Variants in ADCY2 observed in about 807,000 individuals in gnomAD.
The protein encoded by ADCY2 is adenylate cyclase 2, also known as adenylate cyclase type 2.
A neutral mutation model predicts 125.2 loss-of-function variants in ADCY2; 31 were observed. The observed-to-expected ratio is 0.25, with a 90% CI of 0.19 to 0.33. ADCY2 has a LOEUF of 0.33. Among genes scored for constraint, ADCY2 ranks in the 10% least tolerant of loss-of-function variants. The pLI, the probability that ADCY2 is intolerant of heterozygous loss-of-function variation, is 1.00. For missense variants in ADCY2, 904 were observed against 1,418.2 expected (o/e 0.64, Z 5.82); for synonymous variants, 512 against 548.4 (o/e 0.93, Z 0.93).
chr5:7,711,324 C>T (rs1330389399), intron 10 of ADCY2, among the ~76,000 whole-genome samples: 1 of 152,212 alleles, frequency 6.6e-6, no homozygotes, highest in Non-Finnish European at 1.5e-5. Flanking sequence ...GTTTCTGTCA[C>T]TCATGAAAAA....
chr5:7,707,205 A>G (rs1252395771), intron 8 of ADCY2, among the ~76,000 whole-genome samples: 1 of 152,244 alleles, frequency 6.6e-6, no homozygotes, highest in Non-Finnish European at 1.5e-5. Context: ...AAAACAGTCC[A>G]GATATGGCAT....
chr5:7,826,637 T>C, intron 24 of ADCY2, 82 bp from the exon 25 acceptor site: 2 of 1,588,592 alleles, frequency 1.3e-6, no homozygotes, highest in Non-Finnish European at 1.7e-6. Context: ...ATGGTGCTTT[T>C]TTTAGCTCTG....
intron 22 of ADCY2, among the ~76,000 whole-genome samples, chr5:7,806,931 C>G (rs1327495050): frequency 6.6e-6 from 1 of 152,212 alleles, no homozygotes; most frequent in East Asian, 1.9e-4. Flanking sequence ...CTTTCTCCTT[C>G]TGAAGTTTCT....
At chr5:7,527,145 G>A (rs1257070632) in intron 3 of ADCY2, among the ~76,000 whole-genome samples, 1 of 152,182 alleles carries the variant, frequency 6.6e-6, no homozygotes, top group African/African-American at 2.4e-5. Context: ...ATGTTGTGGT[G>A]GCTGCCTCCT....
chr5:7,825,253 CGCTGCTGTGTGCCATGACAAT>C (rs1561048798), intron 24 of ADCY2, among the ~76,000 whole-genome samples: 1 of 151,132 alleles, frequency 6.6e-6, no homozygotes, highest in Non-Finnish European at 1.5e-5. Flanking sequence ...GACATGACAA[CGCTGCTGTGTGCCATGACAAT>C]GCTGCTGTGT....
At chr5:7,711,348 A>G (rs1471495088) in intron 10 of ADCY2, among the ~76,000 whole-genome samples, 1 of 152,172 alleles carries the variant, frequency 6.6e-6, no homozygotes, top group African/African-American at 2.4e-5. Context: ...TAATTTGGAT[A>G]AGTTAGCCTC....
intron 4 of ADCY2, among the ~76,000 whole-genome samples, chr5:7,642,217 C>A (rs995693403): frequency 6.6e-6 from 1 of 152,102 alleles, no homozygotes; most frequent in Non-Finnish European, 1.5e-5. Flanking sequence ...ACTAGTTATT[C>A]TGACTGGTGT....
chr5:7,704,567 A>C (rs6888687), intron 7 of ADCY2, among the ~76,000 whole-genome samples: 49,500 of 152,014 alleles, frequency 0.33, 10,196 homozygotes, highest in Non-Finnish European at 0.46. Context: ...ATGTAAATTG[A>C]ATATACATGC....
rs576354831 is a variant in ADCY2 at position 7,754,220 on chromosome 5, C to T, written c.1957-3229C>T. On this transcript the variant is annotated intron_variant, in intron 15 of 24. Transcript: ENST00000338316. ...TTACTAGCCTATGAGCAGAATATAA[C>T]ATATTCCTATTAGATTAGCATATTT... Among the ~76,000 whole-genome samples the T allele has an allele frequency of 2.0e-5, 3 of 152,304 alleles. No individual in the cohort carries two copies. In the South Asian group the frequency reaches 6.2e-4, roughly 32 times the overall value.
At chr5:7,658,362 A>G (rs541086103) in intron 4 of ADCY2, among the ~76,000 whole-genome samples, 370 of 149,576 alleles carry the variant, frequency 2.5e-3, no homozygotes, top group Non-Finnish European at 3.9e-3. Flanking sequence ...CTTTTTTTCT[A>G]TAAGTTTTTG....
chr5:7,399,280 G>C (rs892846332), intron 1 of ADCY2, among the ~76,000 whole-genome samples: 2 of 152,134 alleles, frequency 1.3e-5, no homozygotes, highest in South Asian at 4.1e-4. Flanking sequence ...TAGCCTCCTA[G>C]AGCATTTGGA....
intron 17 of ADCY2, among the ~76,000 whole-genome samples, chr5:7,768,077 G>T (rs956319275): frequency 6.6e-6 from 1 of 152,096 alleles, no homozygotes; most frequent in Non-Finnish European, 1.5e-5. Context: ...TTTCCTGGAG[G>T]CTTCTGAGGC....
At position 7,460,159 on chromosome 5, in the gene ADCY2, G is replaced by T. The variant is rs1263276112; in HGVS notation, c.408+45389G>T. 3.3e-5 allele frequency among the ~76,000 whole-genome samples: 5 copies of T among 152,196 alleles called. No homozygotes were observed. The East Asian group carries it at 9.7e-4, about 29-fold the overall frequency. On this transcript the variant is annotated intron_variant, in intron 2 of 24. Transcript: ENST00000338316. The stretch of plus-strand genomic sequence containing the variant: ...TCCTATTATATCTGCTGGACTGTGT[G>T]CCTTCTAAAATTCTACTTAGTAGAA...
In ADCY2 at chr5:7,491,246, A is replaced by T. The variant is rs534474153; in HGVS notation, c.409-29492A>T. 9.2e-5 allele frequency among the ~76,000 whole-genome samples: 14 copies of T among 152,120 alleles called. No individual in the cohort carries two copies. In the East Asian group the frequency reaches 2.7e-3, roughly 29 times the overall value. On this transcript the variant is annotated intron_variant, in intron 2 of 24. Coordinates refer to ENST00000338316, the MANE Select transcript of ADCY2 (RefSeq NM_020546.3). ...CTGTGCTTGGTTCAAAAATGATCTAATTAAAAATGATTTTTTTTTTTTTGA... is the reference window on the plus strand; with the variant it reads ...CTGTGCTTGGTTCAAAAATGATCTATTTAAAAATGATTTTTTTTTTTTTGA...
chr5:7,568,685 G>A (rs981601563), intron 3 of ADCY2, among the ~76,000 whole-genome samples: 4 of 152,058 alleles, frequency 2.6e-5, no homozygotes, highest in Admixed American at 6.6e-5. Context: ...GATAAAATAC[G>A]GCACTTTAGA....
chr5:7,738,173 T>G (rs186042651), intron 14 of ADCY2, among the ~76,000 whole-genome samples: 1 of 152,174 alleles, frequency 6.6e-6, no homozygotes, highest in African/African-American at 2.4e-5. Context: ...AGACAACAGG[T>G]GATCTGATGC....
intron 3 of ADCY2, among the ~76,000 whole-genome samples, chr5:7,624,190 C>A (rs911621994): frequency 1.8e-4 from 27 of 152,054 alleles, no homozygotes; most frequent in African/African-American, 6.3e-4. Flanking sequence ...CTCTGTATCC[C>A]AAACATTTAT....
chr5:7,772,340 G>A (rs186577290), intron 17 of ADCY2, among the ~76,000 whole-genome samples: 10 of 152,270 alleles, frequency 6.6e-5, no homozygotes, highest in African/African-American at 2.2e-4. Context: ...TGGTTCGTCC[G>A]CTTTCTTCTG....
intron 2 of ADCY2, among the ~76,000 whole-genome samples, chr5:7,495,553 A>C (rs902722598): frequency 6.6e-6 from 1 of 152,224 alleles, no homozygotes; most frequent in Non-Finnish European, 1.5e-5. Context: ...TTTTGCACAA[A>C]ATGACCTAAA....
Sources: allele counts gnomAD v4.1 joint callset (sites outside exome capture counted in the v4.1 genomes callset), GRCh38; gene constraint gnomAD v4.1.1; transcripts MANE v1.5; gene names NCBI Gene and HGNC (gene_info 2026-07-23, HGNC 2026-07-21).